EDIL3: variants seen among roughly 807,000 people sequenced by gnomAD.
EDIL3 encodes EGF-like repeat and discoidin I-like domain-containing protein 3.
In EDIL3, 37 loss-of-function variants were observed where a neutral mutation model predicts 67.4. That is an observed-to-expected ratio of 0.55 (90% CI 0.42 to 0.72). The LOEUF (loss-of-function observed/expected upper bound fraction) is 0.72, where lower values mean the gene tolerates loss of function less well. Ranked by LOEUF, EDIL3 falls within the 30% of genes least tolerant of loss-of-function variation. The pLI is 0.00. For synonymous variants in EDIL3, 195 were observed against 196.3 expected (o/e 0.99, Z 0.05); for missense variants, 527 against 586.3 (o/e 0.90, Z 1.04).
intron 3 of EDIL3, among the ~76,000 whole-genome samples, chr5:84,188,756 C>T (rs1743518875): frequency 1.3e-5 from 2 of 152,030 alleles, no homozygotes; most frequent in Admixed American, 6.6e-5. Flanking sequence ...GATTCTGCCA[C>T]ACAGAGGAAA....
intron 9 of EDIL3, among the ~76,000 whole-genome samples, chr5:84,017,372 G>A (rs1355088677): frequency 1.3e-5 from 2 of 152,134 alleles, no homozygotes; most frequent in Non-Finnish European, 2.9e-5. Context: ...TCATTTTAAA[G>A]ACAGTTTCAC....
intron 9 of EDIL3, among the ~76,000 whole-genome samples, chr5:84,001,770 A>AAAT (rs1383346410): frequency 1.3e-5 from 2 of 152,082 alleles, no homozygotes; most frequent in Non-Finnish European, 2.9e-5. Flanking sequence ...AAGCCATAAT[A>AAAT]AAAAAATCTC....
intron 9 of EDIL3, among the ~76,000 whole-genome samples, chr5:84,009,847 T>C (rs1452025940): frequency 6.6e-6 from 1 of 152,128 alleles, no homozygotes; most frequent in Non-Finnish European, 1.5e-5. Flanking sequence ...CATCATATAC[T>C]ACGCACAATT....
chr5:84,056,392 G>A (rs1363106111), intron 9 of EDIL3, among the ~76,000 whole-genome samples: 1 of 152,012 alleles, frequency 6.6e-6, no homozygotes, highest in Non-Finnish European at 1.5e-5. Context: ...AATGGGTGCA[G>A]CACACCAACA....
At chr5:84,183,446 G>A (rs557621586) in intron 3 of EDIL3, among the ~76,000 whole-genome samples, 8 of 151,714 alleles carry the variant, frequency 5.3e-5, no homozygotes, top group Non-Finnish European at 1.0e-4. Context: ...GCACATAACC[G>A]CTAAAGAAAA....
intron 9 of EDIL3, among the ~76,000 whole-genome samples, chr5:84,041,118 A>C (rs1289226688): frequency 1.4e-5 from 2 of 146,096 alleles, no homozygotes; most frequent in Non-Finnish European, 3.0e-5. Context: ...GAGACAGAGC[A>C]AAACAATGTC....
chr5:84,040,995 G>A (rs887521041), intron 9 of EDIL3, among the ~76,000 whole-genome samples: 6 of 152,098 alleles, frequency 3.9e-5, no homozygotes, highest in African/African-American at 1.2e-4. Context: ...GCCAACCTTG[G>A]TGGTGTGTGC....
chr5:84,305,632 C>A (rs1434504031), intron 1 of EDIL3, among the ~76,000 whole-genome samples: 5 of 152,204 alleles, frequency 3.3e-5, no homozygotes, highest in Admixed American at 6.5e-5. Context: ...GTAATCCCGG[C>A]ATTTTGGGAG....
intron 5 of EDIL3, among the ~76,000 whole-genome samples, chr5:84,132,456 ATGTATTT>A (rs1747999384): frequency 9.2e-6 from 1 of 109,170 alleles, no homozygotes; most frequent in African/African-American, 3.8e-5. Context: ...AACATATATT[ATGTATTT>A]TATATATAAT....
rs1744230952 is a variant in EDIL3, at chr5:83,941,941, T to C, written c.*1478A>G. 6.6e-6 allele frequency: 1 copy of C among 152,058 alleles called. No homozygotes were observed. Among genetic ancestry groups the C allele is most frequent in the Non-Finnish European group, 1.5e-5 (1 of 67,944 alleles). 9.4% of individuals were successfully genotyped at this position (152,058 alleles called of 1,614,324 possible). The stretch of plus-strand genomic sequence containing the variant: ...GACAGACAAGACAGTAACAGTCTAG[T>C]GGCTTTTGTTATGCAGCACAAATAT... On this transcript the variant is annotated 3_prime_UTR_variant, in exon 11 of 11. Coordinates refer to ENST00000296591, the MANE Select transcript of EDIL3 (RefSeq NM_005711.5).
At chr5:84,240,170 A>AAAAATAAAATAATTAATAAATCAT (rs1231586673) in intron 2 of EDIL3, among the ~76,000 whole-genome samples, 2 of 152,226 alleles carry the variant, frequency 1.3e-5, no homozygotes, top group African/African-American at 2.4e-5. Flanking sequence ...TAATAAATCA[A>AAAAATAAAATAATTAATAAATCAT]AAAATAAATT....
chr5:84,286,006 T>C (rs968026770), intron 1 of EDIL3, among the ~76,000 whole-genome samples: 3 of 152,176 alleles, frequency 2.0e-5, no homozygotes, highest in Admixed American at 2.0e-4. Flanking sequence ...TCAACCTATA[T>C]AATTCCATGG....
chr5:83,995,138 A>C (rs2112163339), intron 9 of EDIL3, among the ~76,000 whole-genome samples: 1 of 114,936 alleles, frequency 8.7e-6, no homozygotes, highest in South Asian at 2.8e-4. Context: ...CGAAAGCAGT[A>C]TACACACGCA....
intron 9 of EDIL3, among the ~76,000 whole-genome samples, chr5:83,969,168 T>C (rs571051799): frequency 6.6e-6 from 1 of 151,908 alleles, no homozygotes; most frequent in East Asian, 1.9e-4. Context: ...ATTGTCTATT[T>C]TCAATATATA....
Position 84,113,273 on chromosome 5 carries a change from AG to A in EDIL3, c.470-6444del, listed in dbSNP as rs549531338. 2.5e-3 allele frequency among the ~76,000 whole-genome samples: 387 copies of A among 152,300 alleles called. 3 individuals carry two copies. Among genetic ancestry groups the A allele is most frequent in the African/African-American group, 8.3e-3 (344 of 41,580 alleles). ...CCTTGGTATTGTGCTTGCTTTTGTC[AG>A]GTACGACAATAATCCTAAATTAATG... On this transcript the variant is annotated intron_variant, in intron 5 of 10. Transcript: ENST00000296591.
chr5:84,147,621 A>C (rs373926953), intron 4 of EDIL3, among the ~76,000 whole-genome samples: 1 of 152,124 alleles, frequency 6.6e-6, no homozygotes, highest in Admixed American at 6.6e-5. Context: ...AACACCAATA[A>C]ATCTTTTTAA....
chr5:83,990,805 G>T (rs1255630579), intron 9 of EDIL3, among the ~76,000 whole-genome samples: 1 of 151,696 alleles, frequency 6.6e-6, no homozygotes, highest in African/African-American at 2.4e-5. Flanking sequence ...GCTTGAACCC[G>T]AGAGGTGGAG....
chr5:84,005,901 T>C (rs1325397988), intron 9 of EDIL3, among the ~76,000 whole-genome samples: 1 of 151,982 alleles, frequency 6.6e-6, no homozygotes. Context: ...GCAGATGATA[T>C]GATTTTATAT....
In EDIL3 at chr5:84,139,242, A is replaced by G. The variant is rs187448471; in HGVS notation, c.356-1888T>C. On this transcript the variant is annotated intron_variant, in intron 4 of 10. Transcript: ENST00000296591. Reference sequence around the variant, plus strand: ...ACAGAGCTAGACTCTGTCTCGGGGGAAAAAAAGTATGATAGACTCCTAAAT... The same window carrying G: ...ACAGAGCTAGACTCTGTCTCGGGGGGAAAAAAGTATGATAGACTCCTAAAT... 7.0e-3 allele frequency among the ~76,000 whole-genome samples: 1,065 copies of G among 151,352 alleles called. 13 individuals carry two copies. The highest frequency in any genetic ancestry group is 0.025 in the African/African-American group (1,018 of 41,196).
Sources: gnomAD v4.1 joint callset for allele counts (sites outside exome capture counted in the v4.1 genomes callset) on GRCh38, gnomAD v4.1.1 for gene constraint, MANE v1.5 for transcripts, NCBI Gene and HGNC (gene_info 2026-07-23, HGNC 2026-07-21) for gene names.